The following CACNG5 variants were observed in gnomAD, a reference collection of about 807,000 sequenced individuals.
The protein encoded by CACNG5 is voltage-dependent calcium channel gamma-5 subunit.
CACNG5 carries 18 observed loss-of-function variants against 24.8 expected under a neutral mutation model. The observed-to-expected ratio is 0.73, with a 90% CI of 0.50 to 1.08. The LOEUF (loss-of-function observed/expected upper bound fraction) is 1.08, where lower values mean the gene tolerates loss of function less well. CACNG5 is among the 50% of genes least tolerant of loss of function. CACNG5 has a pLI of 0.00. For synonymous variants in CACNG5, 157 were observed against 149.1 expected (o/e 1.05, Z -0.39); for missense variants, 349 against 367.9 (o/e 0.95, Z 0.42).
intron 1 of CACNG5, among the ~76,000 whole-genome samples, chr17:66,876,462 G>A (rs1977078758): frequency 6.6e-6 from 1 of 152,222 alleles, no homozygotes; most frequent in Non-Finnish European, 1.5e-5. Flanking sequence ...AGCAGGTGGG[G>A]CTTGTGGTTG....
Position 66,888,821 on chromosome 17 carries a change from T to C in CACNG5, c.*3581T>C, listed in dbSNP as rs1009411761. Among the ~76,000 whole-genome samples the C allele has an allele frequency of 6.6e-6, 1 of 152,124 alleles. No homozygotes were observed. Among genetic ancestry groups the C allele is most frequent in the East Asian group, 1.9e-4 (1 of 5,170 alleles). ...ACATCTCTCTGGTTGGAGGGAAGGTTATCTCGGGGCTGGCATGTCTCTGGT... is the reference window on the plus strand; with the variant it reads ...ACATCTCTCTGGTTGGAGGGAAGGTCATCTCGGGGCTGGCATGTCTCTGGT... On this transcript the variant is annotated 3_prime_UTR_variant, in exon 6 of 6. Transcript: ENST00000533854.
chr17:66,877,612 G>A lies in CACNG5; in HGVS notation c.196+84G>A. The A allele has an allele frequency of 2.5e-6, 3 of 1,182,092 alleles. No individual in the cohort carries two copies. In the Admixed American group the frequency reaches 6.0e-5, roughly 24 times the overall value. The allele number at this position is 1,182,092 out of a possible 1,614,324, so 73.2% of individuals were successfully genotyped here. ...TCCCTCCCTGGGAAGAGATGGCCAA[G>A]AGATGCTGGAAGGAGACCATTCACC... On this transcript the variant is annotated intron_variant, in intron 2 of 5. Transcript: ENST00000533854.
chr17:66,837,830 A>G (rs958483218), intron 1 of CACNG5, among the ~76,000 whole-genome samples: 5 of 152,060 alleles, frequency 3.3e-5, no homozygotes, highest in African/African-American at 7.2e-5. Context: ...AGACAGGCCC[A>G]GCTGCTAAGC....
intron 1 of CACNG5, among the ~76,000 whole-genome samples, chr17:66,840,955 C>T (rs867831971): frequency 6.6e-6 from 1 of 152,176 alleles, no homozygotes; most frequent in Non-Finnish European, 1.5e-5. Flanking sequence ...TGGGATGTCA[C>T]AGCCATATGA....
At chr17:66,878,922 T>C in intron 2 of CACNG5, 50 bp from the exon 3 acceptor site, 2 of 1,470,596 alleles carry the variant, frequency 1.4e-6, no homozygotes, top group Non-Finnish European at 1.9e-6. Flanking sequence ...TGGACCAACT[T>C]CAAATCCATG....
At chr17:66,855,688 G>A (rs1040853102) in intron 1 of CACNG5, among the ~76,000 whole-genome samples, 2 of 152,128 alleles carry the variant, frequency 1.3e-5, no homozygotes, top group African/African-American at 2.4e-5. Flanking sequence ...GTAGAGACGG[G>A]GTTTCACCAT....
chr17:66,865,053 GC>G (rs1183931649), intron 1 of CACNG5, among the ~76,000 whole-genome samples: 1 of 152,118 alleles, frequency 6.6e-6, no homozygotes, highest in Admixed American at 6.5e-5. Context: ...GAGCCACCAT[GC>G]CTTGATCGTT....
intron 1 of CACNG5, among the ~76,000 whole-genome samples, chr17:66,847,444 T>TA (rs1209910108): frequency 1.3e-5 from 2 of 152,146 alleles, no homozygotes; most frequent in Non-Finnish European, 2.9e-5. Context: ...AAGCACATCT[T>TA]ACATGGCAGC....
rs1322721725 is a variant in CACNG5 at position 66,884,641 on chromosome 17, A to ATC, written c.553_554dup (p.Phe186ProfsTer4). ...TGGGTGGTCGTTTGCCTTCGCCGCC[A>ATC]TCTCCTTCCTTTTAACGGAGGTAAA... is the stretch of plus-strand genomic sequence containing the variant. On this transcript the variant is annotated frameshift_variant, in exon 5 of 6. Coordinates refer to ENST00000533854, the MANE Select transcript of CACNG5 (RefSeq NM_145811.3). LOFTEE classifies it high-confidence loss of function. 1 of 1,614,034 alleles carries ATC rather than the reference A, an allele frequency of 6.2e-7. No homozygotes were observed. Among genetic ancestry groups the ATC allele is most frequent in the Non-Finnish European group, 8.5e-7 (1 of 1,180,030 alleles).
At chr17:66,868,909 T>G (rs956361159) in intron 1 of CACNG5, among the ~76,000 whole-genome samples, 1 of 152,094 alleles carries the variant, frequency 6.6e-6, no homozygotes, top group African/African-American at 2.4e-5. Flanking sequence ...GGGCTGAAAT[T>G]TGCCAGGGAT....
At chr17:66,855,576 T>C (rs1371626704) in intron 1 of CACNG5, among the ~76,000 whole-genome samples, 3 of 152,218 alleles carry the variant, frequency 2.0e-5, no homozygotes, top group Non-Finnish European at 4.4e-5. Context: ...CAGGCTGGAG[T>C]GCAGTGTTGC....
intron 1 of CACNG5, among the ~76,000 whole-genome samples, chr17:66,866,313 C>T (rs542697723): frequency 3.7e-4 from 57 of 152,062 alleles, no homozygotes; most frequent in Non-Finnish European, 6.8e-4. Context: ...CTTGCTCTGT[C>T]GCCCAGGCTG....
chr17:66,859,594 C>T (rs1275849244), intron 1 of CACNG5, among the ~76,000 whole-genome samples: 1 of 152,056 alleles, frequency 6.6e-6, no homozygotes, highest in Non-Finnish European at 1.5e-5. Context: ...TGCACGGCGC[C>T]GAGGCTGGCT....
intron 1 of CACNG5, among the ~76,000 whole-genome samples, chr17:66,874,148 C>T (rs1977045789): frequency 6.6e-6 from 1 of 152,168 alleles, no homozygotes. Flanking sequence ...TTCTTAACCT[C>T]ACTGATCATC....
rs762938419 is a variant in CACNG5 at position 66,889,934 on chromosome 17, CG to C, written c.*4699del. ...TAAGTGGAGAAAGGACAGCGGAGGC[CG>C]GGGGAGCCACATTCCACCTAAGGCC... On this transcript the variant is annotated 3_prime_UTR_variant, in exon 6 of 6. Transcript: ENST00000533854. Among the ~76,000 whole-genome samples the C allele has an allele frequency of 7.2e-5, 11 of 152,178 alleles. No individual in the cohort carries two copies. The highest frequency in any genetic ancestry group is 1.2e-4 in the Non-Finnish European group (8 of 68,026).
intron 1 of CACNG5, among the ~76,000 whole-genome samples, chr17:66,855,808 T>C (rs1238656601): frequency 6.6e-6 from 1 of 152,184 alleles, no homozygotes. Context: ...TGCATATGTA[T>C]TTAAAAAAAT....
At chr17:66,837,085 T>C (rs953835317) in intron 1 of CACNG5, among the ~76,000 whole-genome samples, 2 of 152,210 alleles carry the variant, frequency 1.3e-5, no homozygotes, top group Non-Finnish European at 2.9e-5. Flanking sequence ...GTAAGATGGG[T>C]CTGGCAGGGG....
intron 1 of CACNG5, among the ~76,000 whole-genome samples, chr17:66,835,632 C>T (rs1976473314): frequency 6.6e-6 from 1 of 152,154 alleles, no homozygotes; most frequent in South Asian, 2.1e-4. Context: ...AAGGGATAAG[C>T]CCACCACCAC....
In CACNG5 at chr17:66,877,508, G is replaced by C. The variant is rs1977100256; in HGVS notation, c.176G>C (p.Trp59Ser). 2 of 1,613,818 alleles carry C rather than the reference G, an allele frequency of 1.2e-6. No homozygotes were observed. Among genetic ancestry groups the C allele is most frequent in the Non-Finnish European group, 1.7e-6 (2 of 1,179,920 alleles). Residue 59 changes from tryptophan (W) to serine (S), a missense_variant, in exon 2 of 6, where the codon TGG becomes TCG. By Grantham distance (177) the Trp-to-Ser change is radical. Transcript: ENST00000533854. ...EIKMSLHSGLWRVCFLAGEER... is the reference protein window; with the variant it reads ...EIKMSLHSGLSRVCFLAGEER... Reference sequence around the variant, plus strand: ...AAGATGTCCCTGCACTCAGGCCTCTGGCGGGTCTGCTTCCTTGCAGGTAAG... The same window carrying C: ...AAGATGTCCCTGCACTCAGGCCTCTCGCGGGTCTGCTTCCTTGCAGGTAAG...
Sources: gnomAD v4.1 joint callset for allele counts (sites outside exome capture counted in the v4.1 genomes callset) on GRCh38, gnomAD v4.1.1 for gene constraint, MANE v1.5 for transcripts, NCBI Gene and HGNC (gene_info 2026-07-23, HGNC 2026-07-21) for gene names.